Variants in PPP2R1A observed in about 807,000 individuals in gnomAD.
PPP2R1A encodes protein phosphatase 2 scaffold subunit Aalpha.
Under a neutral mutation model 67.1 loss-of-function variants are expected in PPP2R1A, and 15 were observed. That is an observed-to-expected ratio of 0.22 (90% CI 0.15 to 0.34). PPP2R1A has a LOEUF of 0.34. Among genes scored for constraint, PPP2R1A ranks in the 10% least tolerant of loss-of-function variants. PPP2R1A has a pLI of 1.00. For synonymous variants in PPP2R1A, 337 were observed against 325.0 expected (o/e 1.04, Z -0.40); for missense variants, 369 against 775.0 (o/e 0.48, Z 6.22).
chr19:52,214,952 C>T (rs1198384724), intron 6 of PPP2R1A, among the ~76,000 whole-genome samples: 1 of 152,144 alleles, frequency 6.6e-6, no homozygotes, highest in Non-Finnish European at 1.5e-5. Context: ...TCTCGAATTC[C>T]TGGCCTCAAG....
In PPP2R1A at chr19:52,190,311, C is replaced by T. The variant is rs773987824; in HGVS notation, c.78+137C>T. 50 of 1,029,320 alleles carry T rather than the reference C, an allele frequency of 4.9e-5. No homozygotes were observed. In the African/African-American group the frequency reaches 5.3e-4, roughly 11 times the overall value. The allele number at this position is 1,029,320 out of a possible 1,614,324, so 63.8% of individuals were successfully genotyped here. A position where few individuals can be genotyped will look rare whatever the true frequency, so the allele number is the denominator to read the frequency against. On this transcript the variant is annotated intron_variant, in intron 1 of 14. Transcript: ENST00000322088. ...CCAATCAGCGTGCGTCTCTTATCTC[C>T]CCGGTTGCCCGGACTCCTTGAGACG...
chr19:52,226,816 G>C lies in PPP2R1A; in HGVS notation c.*835G>C, dbSNP rs1288126978. ...GTTACAGTAATACCTAGATTGCAGGGTGGGTGGCGAGGACCAAGTGAATTA... is the reference window on the plus strand; with the variant it reads ...GTTACAGTAATACCTAGATTGCAGGCTGGGTGGCGAGGACCAAGTGAATTA... On this transcript the variant is annotated 3_prime_UTR_variant, in exon 15 of 15. Transcript: ENST00000322088. 2 of 152,502 alleles carry C rather than the reference G, an allele frequency of 1.3e-5. No individual in the cohort carries two copies. The highest frequency in any genetic ancestry group is 6.5e-5 in the Admixed American group (1 of 15,282). The allele number at this position is 152,502 out of a possible 1,614,324, so 9.4% of individuals were successfully genotyped here.
At position 52,201,979 on chromosome 19, in the gene PPP2R1A, C is replaced by T. The variant is rs775159886; in HGVS notation, c.114C>T (p.Ile38=). 1.5e-5 allele frequency: 24 copies of T among 1,614,052 alleles called. 1 individual carries two copies. Among genetic ancestry groups the T allele is most frequent in the Middle Eastern group, 1.6e-4 (1 of 6,080 alleles). ...RLNSIKKLST[I]ALALGVERTR... ...ACAGCATCAAGAAGCTGTCCACCAT[C>T]GCCTTGGCCCTTGGGGTTGAAAGGA... The change falls in exon 2 of 15, where the codon ATC becomes ATT. Residue 38 remains isoleucine, a synonymous_variant. Transcript: ENST00000322088.
intron 2 of PPP2R1A, among the ~76,000 whole-genome samples, chr19:52,205,407 A>G (rs925457600): frequency 3.3e-5 from 5 of 152,162 alleles, no homozygotes; most frequent in Admixed American, 6.5e-5. Flanking sequence ...GGGCTCGCTG[A>G]TTATAGCCTA....
At chr19:52,205,254 G>A (rs2089590252) in intron 2 of PPP2R1A, among the ~76,000 whole-genome samples, 1 of 152,036 alleles carries the variant, frequency 6.6e-6, no homozygotes, top group Non-Finnish European at 1.5e-5. Flanking sequence ...AGAGGATGGA[G>A]CTTAAGAGAG....
rs1204817288 is a variant in PPP2R1A at position 52,190,187 on chromosome 19, C to CG, written c.78+18dup. The CG allele has an allele frequency of 2.6e-6, 4 of 1,549,914 alleles. No individual in the cohort carries two copies. In the African/African-American group the frequency reaches 4.1e-5, roughly 16 times the overall value. ...TGAGGACGTTCAGGTCCGGAGGCTA[C>CG]GGGGGACTTGGGGAAGACGCGGAGG... On this transcript the variant is annotated intron_variant, in intron 1 of 14. Coordinates refer to ENST00000322088, the MANE Select transcript of PPP2R1A (RefSeq NM_014225.6).
intron 1 of PPP2R1A, among the ~76,000 whole-genome samples, chr19:52,195,748 C>G (rs558861588): frequency 2.6e-5 from 4 of 152,260 alleles, no homozygotes; most frequent in Non-Finnish European, 4.4e-5. Flanking sequence ...ATAGGGTGAG[C>G]TATGGGGGAA....
At chr19:52,207,421 C>T (rs1392943373) in intron 3 of PPP2R1A, among the ~76,000 whole-genome samples, 1 of 152,166 alleles carries the variant, frequency 6.6e-6, no homozygotes, top group East Asian at 1.9e-4. Flanking sequence ...GGGACTCAGG[C>T]TTGCTGTGGA....
intron 1 of PPP2R1A, among the ~76,000 whole-genome samples, chr19:52,191,685 G>A (rs2089455924): frequency 6.6e-6 from 1 of 152,126 alleles, no homozygotes; most frequent in East Asian, 1.9e-4. Flanking sequence ...CTTTAATGGG[G>A]TTAATTACCT....
intron 3 of PPP2R1A, among the ~76,000 whole-genome samples, chr19:52,206,311 A>G (rs2089601739): frequency 6.6e-6 from 1 of 152,154 alleles, no homozygotes; most frequent in South Asian, 2.1e-4. Flanking sequence ...CTGGGATTCT[A>G]CATAGGGCTG....
At chr19:52,205,916 G>A (rs1278357091) in intron 2 of PPP2R1A, 47 bp from the exon 3 acceptor site, 1 of 1,511,548 alleles carries the variant, frequency 6.6e-7, no homozygotes, top group African/African-American at 1.4e-5. Flanking sequence ...TTGGGCTGGG[G>A]TCAGAGTTGA....
At chr19:52,223,939 C>G (rs1979097268) in intron 13 of PPP2R1A, among the ~76,000 whole-genome samples, 2 of 152,080 alleles carry the variant, frequency 1.3e-5, no homozygotes, top group South Asian at 4.1e-4. Flanking sequence ...TTCATAGTAG[C>G]CGTAAAAATG....
chr19:52,210,169 A>G lies in PPP2R1A; in HGVS notation c.271-1091A>G, dbSNP rs116685047. ...CAGAGACCTCCACACCTTTATTTGA[A>G]CATATTGGGATAAGTTGAGTCTCCC... is the stretch of plus-strand genomic sequence containing the variant. On this transcript the variant is annotated intron_variant, in intron 3 of 14. Coordinates refer to ENST00000322088, the MANE Select transcript of PPP2R1A (RefSeq NM_014225.6). Among the ~76,000 whole-genome samples, 1,255 of 152,194 alleles carry G rather than the reference A, an allele frequency of 8.2e-3. 19 individuals are homozygous for G. Among genetic ancestry groups the G allele is most frequent in the African/African-American group, 0.029 (1,198 of 41,486 alleles).
chr19:52,204,992 A>G (rs1387173692), intron 2 of PPP2R1A, among the ~76,000 whole-genome samples: 1 of 152,202 alleles, frequency 6.6e-6, no homozygotes, highest in African/African-American at 2.4e-5. Flanking sequence ...GATGATGATA[A>G]TGACTCCTTA....
At chr19:52,200,864 G>A (rs2089540235) in intron 1 of PPP2R1A, among the ~76,000 whole-genome samples, 1 of 152,230 alleles carries the variant, frequency 6.6e-6, no homozygotes, top group Non-Finnish European at 1.5e-5. Flanking sequence ...CTGGATTCAA[G>A]GCTAACCCTC....
In PPP2R1A at chr19:52,216,744, G is replaced by T. The variant is rs1600170420; in HGVS notation, c.1128+81G>T. On this transcript the variant is annotated intron_variant, in intron 9 of 14. Transcript: ENST00000322088. The surrounding 1 kb of genome is among the most constrained non-coding windows in gnomAD (Gnocchi z 4.3). ...TAGATTGCTAGGGTTTACCTAGATT[G>T]ACCAGGAATCTGCTGATATCTCAAC... is the stretch of plus-strand genomic sequence containing the variant. 1 of 1,588,216 alleles carries T rather than the reference G, an allele frequency of 6.3e-7. No individual in the cohort carries two copies. Among genetic ancestry groups the T allele is most frequent in the South Asian group, 1.1e-5 (1 of 89,930 alleles).
chr19:52,211,274 G>T lies in PPP2R1A; in HGVS notation c.285G>T (p.Ser95=). The T allele has an allele frequency of 5.6e-6, 9 of 1,612,474 alleles. No homozygotes were observed. The highest frequency in any genetic ancestry group is 7.6e-6 in the Non-Finnish European group (9 of 1,179,842). The change falls in exon 4 of 15, where the codon TCG becomes TCT. Residue 95 remains serine (S), a synonymous_variant. Coordinates refer to ENST00000322088, the MANE Select transcript of PPP2R1A (RefSeq NM_014225.6). This position sits in a 1 kb window ranked among gnomAD's most constrained non-coding sequence, Gnocchi z 5.3. ...YVHCLLPPLE[S]LATVEETVVR... ...TCTCACCACAGCCACCGCTGGAGTC[G>T]CTGGCCACAGTGGAGGAGACAGTGG...
intron 13 of PPP2R1A, among the ~76,000 whole-genome samples, 184 bp from the exon 14 acceptor site, chr19:52,225,533 C>T (rs767993962): frequency 3.3e-5 from 5 of 152,100 alleles, no homozygotes; most frequent in Non-Finnish European, 4.4e-5. Context: ...TATGGTCACC[C>T]GCCTGTGCAG....
rs770861676 is a variant in PPP2R1A at position 52,219,814 on chromosome 19, C to T, written c.1252C>T (p.Arg418Trp). 3.1e-6 allele frequency: 5 copies of T among 1,613,226 alleles called. No homozygotes were observed. Among genetic ancestry groups the T allele is most frequent in the Non-Finnish European group, 1.7e-6 (2 of 1,180,002 alleles). The change falls in exon 10 of 15, where the codon CGG (arginine) becomes TGG (tryptophan). Residue 418 changes from arginine (R) to tryptophan (W), a missense_variant. This residue lies in a region of PPP2R1A where 276 missense variants were observed against 508.4 expected (regional missense o/e 0.54). Transcript: ENST00000322088. The surrounding 1 kb of genome is among the most constrained non-coding windows in gnomAD (Gnocchi z 4.0). ...IVELAEDAKW[R>W]VRLAIIEYMP... ...GGAGCTGGCTGAGGACGCCAAGTGG[C>T]GGGTGCGGCTGGCCATCATTGAGTA... is the stretch of plus-strand genomic sequence containing the variant.
Sources: allele counts gnomAD v4.1 joint callset (sites outside exome capture counted in the v4.1 genomes callset), GRCh38; gene constraint gnomAD v4.1.1; regional missense constraint gnomAD v4.1.1; non-coding constraint Gnocchi (gnomAD v3.1); transcripts MANE v1.5; gene names NCBI Gene and HGNC (gene_info 2026-07-23, HGNC 2026-07-21).